NEUROG2: variants seen among roughly 807,000 people sequenced by gnomAD.
The protein encoded by NEUROG2 is neurogenin-2.
A neutral mutation model predicts 2.8 loss-of-function variants in NEUROG2; 1 was observed. The ratio of observed to expected loss-of-function variants is 0.36; its 90% CI spans 0.13 to 1.71. The LOEUF (loss-of-function observed/expected upper bound fraction) is 1.71. NEUROG2 is among the 40% of genes most tolerant of loss of function. The pLI, the probability that NEUROG2 is intolerant of heterozygous loss-of-function variation, is 0.34. For missense variants in NEUROG2, 397 were observed against 392.7 expected (o/e 1.01, Z -0.09); for synonymous variants, 211 against 187.7 (o/e 1.12, Z -1.01).
In NEUROG2 at chr4:112,515,117, C is replaced by T. The variant is rs1192420517; in HGVS notation, c.359G>A (p.Arg120His). 2 of 1,613,806 alleles carry T rather than the reference C, an allele frequency of 1.2e-6. No individual in the cohort carries two copies. The highest frequency in any genetic ancestry group is 1.7e-6 in the Non-Finnish European group (2 of 1,179,912). The change falls in exon 2 of 2, where the codon CGC (arginine) becomes CAC (histidine). Residue 120 changes from arginine to histidine, a missense_variant. Coordinates refer to ENST00000313341, the MANE Select transcript of NEUROG2 (RefSeq NM_024019.4). Reference sequence around the variant, plus strand: ...GAGGTTGTGCATGCGGTTTCGCTCGCGGTTGTTGGCCTTCAGTCTACGGGT... The same window carrying T: ...GAGGTTGTGCATGCGGTTTCGCTCGTGGTTGTTGGCCTTCAGTCTACGGGT... ...KKTRRLKANN[R>H]ERNRMHNLNA... is the part of the protein sequence containing the mutation.
chr4:112,515,248 G>C lies in NEUROG2; in HGVS notation c.228C>G (p.Pro76=). 1 of 1,582,950 alleles carries C rather than the reference G, an allele frequency of 6.3e-7. No individual in the cohort carries two copies. Among genetic ancestry groups the C allele is most frequent in the Non-Finnish European group, 8.5e-7 (1 of 1,171,922 alleles). The change falls in exon 2 of 2, where the codon CCC becomes CCG. Residue 76 remains proline, a synonymous_variant. Transcript: ENST00000313341. ...GVAAGAEGCR[P]ARLLGLVHDC... The stretch of plus-strand genomic sequence containing the variant: ...CGTGTACCAGACCCAGCAGCCGTGC[G>C]GGCCGGCAGCCCTCCGCACCCGCAG...
At position 112,515,322 on chromosome 4, in the gene NEUROG2, G is replaced by GAAT; in HGVS notation, c.153_154insATT (p.Ala51_Arg52insIle). The GAAT allele has an allele frequency of 1.4e-6, 2 of 1,419,536 alleles. No individual in the cohort carries two copies. Among genetic ancestry groups the GAAT allele is most frequent in the South Asian group, 1.6e-5 (1 of 60,664 alleles). The allele number at this position is 1,419,536 out of a possible 1,614,324, so 87.9% of individuals were successfully genotyped here. A position where few individuals can be genotyped will look rare whatever the true frequency, so the allele number is the denominator to read the frequency against. On this transcript the variant is annotated inframe_insertion, in exon 2 of 2. Transcript: ENST00000313341. Reference sequence around the variant, plus strand: ...CCGGCCTCAGCCCCGCGCTGCCGACGCGCCCCGCCTGACGCGCCCGGCTCC... The same window carrying GAAT: ...CCGGCCTCAGCCCCGCGCTGCCGACGAATCGCCCCGCCTGACGCGCCCGGCTCC...
At position 112,514,916 on chromosome 4, in the gene NEUROG2, G is replaced by A. The variant is rs760711184; in HGVS notation, c.560C>T (p.Ser187Phe). 24 of 1,606,470 alleles carry A rather than the reference G, an allele frequency of 1.5e-5. No individual in the cohort carries two copies. Among genetic ancestry groups the A allele is most frequent in the Non-Finnish European group, 2.0e-5 (24 of 1,177,692 alleles). The part of the protein sequence containing the change: ...GGGGLPGALF[S>F]EAVLLSPGGA... ...TCCCGGGCTCAGCAACACTGCCTCG[G>A]AGAAGAGCGCCCCCGGCAGGCCCCC... The change falls in exon 2 of 2, where the codon TCC (serine) becomes TTC (phenylalanine). Residue 187 changes from serine to phenylalanine, a missense_variant. Coordinates refer to ENST00000313341, the MANE Select transcript of NEUROG2 (RefSeq NM_024019.4).
Position 112,514,870 on chromosome 4 carries a change from G to C in NEUROG2, c.606C>G (p.Ser202Arg), listed in dbSNP as rs1241174154. ...CGGGCGAGGGGCTGTCTCCGCTGCTGCTCAGGGCGGCGCTGGCTCCTCCCG... is the reference window on the plus strand; with the variant it reads ...CGGGCGAGGGGCTGTCTCCGCTGCTCCTCAGGGCGGCGCTGGCTCCTCCCG... ...LSPGGASAAL[S>R]SSGDSPSPAS... Residue 202 changes from serine to arginine, a missense_variant, in exon 2 of 2, where the codon AGC (serine) becomes AGG (arginine). Coordinates refer to ENST00000313341, the MANE Select transcript of NEUROG2 (RefSeq NM_024019.4). The C allele has an allele frequency of 1.9e-6, 3 of 1,600,578 alleles. No homozygotes were observed. Among genetic ancestry groups the C allele is most frequent in the Admixed American group, 1.8e-5 (1 of 56,448 alleles).
In NEUROG2 at chr4:112,515,360, T is replaced by A. The variant is rs1736412364; in HGVS notation, c.116A>T (p.Glu39Val). The change falls in exon 2 of 2, where the codon GAA becomes GTA. Residue 39 changes from glutamate to valine, a missense_variant. Physicochemically the swap from Glu to Val is moderately radical, Grantham distance 121. Coordinates refer to ENST00000313341, the MANE Select transcript of NEUROG2 (RefSeq NM_024019.4). ...ALTPLSSSADEEEEEEPGASG... is the reference protein window; with the variant it reads ...ALTPLSSSADVEEEEEPGASG... ...CGCGCCCGGCTCCTCCTCCTCTTCT[T>A]CGTCGGCGCTGGATGACAGCGGGGT... The A allele has an allele frequency of 6.6e-7, 1 of 1,504,294 alleles. No individual in the cohort carries two copies. Among genetic ancestry groups the A allele is most frequent in the East Asian group, 2.7e-5 (1 of 36,900 alleles). The allele number at this position is 1,504,294 out of a possible 1,614,324, so 93.2% of individuals were successfully genotyped here.
rs781147211 is a variant in NEUROG2, at chr4:112,515,269, C to G, written c.207G>C (p.Ala69=). ...GTGCGGGCCGGCAGCCCTCCGCACCCGCAGCCACGCCGCCCCGCGCCCCCT... is the reference window on the plus strand; with the variant it reads ...GTGCGGGCCGGCAGCCCTCCGCACCGGCAGCCACGCCGCCCCGCGCCCCCT... ...AGQGARGGVA[A]GAEGCRPARL... Residue 69 remains alanine, a synonymous_variant, in exon 2 of 2, where the codon GCG becomes GCC. Transcript: ENST00000313341. The G allele has an allele frequency of 8.5e-6, 13 of 1,524,624 alleles. No homozygotes were observed. The African/African-American group carries it at 1.6e-4, about 18-fold the overall frequency. 94.4% of individuals were successfully genotyped at this position (1,524,624 alleles called of 1,614,324 possible).
chr4:112,515,560 C>T, intron 1 of NEUROG2, 84 bp from the exon 2 acceptor site: 6 of 1,211,486 alleles, frequency 5.0e-6, no homozygotes, highest in Non-Finnish European at 3.3e-6. Flanking sequence ...GGGGCGTGCT[C>T]CGGCGCGCAC....
chr4:112,514,708 G>T lies in NEUROG2; in HGVS notation c.768C>A (p.Pro256=), dbSNP rs975360313. 6.6e-7 allele frequency: 1 copy of T among 1,517,992 alleles called. No individual in the cohort carries two copies. Among genetic ancestry groups the T allele is most frequent in the South Asian group, 1.3e-5 (1 of 74,834 alleles). The allele number at this position is 1,517,992 out of a possible 1,614,324, so 94.0% of individuals were successfully genotyped here. Residue 256 remains proline, a synonymous_variant, in exon 2 of 2, where the codon CCC becomes CCA. Coordinates refer to ENST00000313341, the MANE Select transcript of NEUROG2 (RefSeq NM_024019.4). ...GGTGAGGTGCATAGCGGTGCTTGTC[G>T]GGAGGTGGGGGCTGCCAATAGTCCA... ...SDMDYWQPPP[P]DKHRYAPHLP...
intron 1 of NEUROG2, 104 bp from the exon 2 acceptor site, chr4:112,515,580 C>A (rs1736423242): frequency 3.0e-6 from 3 of 991,386 alleles, no homozygotes; most frequent in African/African-American, 1.7e-5. Context: ...CCCGAGAAGA[C>A]CAGCTCCGAA....
rs147645578 is a variant in NEUROG2, at chr4:112,515,390, G to A, written c.86C>T (p.Ala29Val). The A allele has an allele frequency of 3.3e-3, 5,036 of 1,525,672 alleles. 121 individuals carry two copies. The East Asian group carries it at 0.069, about 21-fold the overall frequency. The allele number at this position is 1,525,672 out of a possible 1,614,324, so 94.5% of individuals were successfully genotyped here. ...GGCGCTGGATGACAGCGGGGTCAGG[G>A]CCGCCAAGGCGGGGGAGGCCGATCC... ...LLGSASPALAALTPLSSSADE... is the reference protein window; with the variant it reads ...LLGSASPALAVLTPLSSSADE... Residue 29 changes from alanine (A) to valine (V), a missense_variant, in exon 2 of 2, where the codon GCC (alanine) becomes GTC (valine). By Grantham distance (64) the Ala-to-Val change is moderately conservative (BLOSUM62 0). Coordinates refer to ENST00000313341, the MANE Select transcript of NEUROG2 (RefSeq NM_024019.4).
rs1560712517 is a variant in NEUROG2, at chr4:112,515,483, AAGAG to A, written c.-1-11_-1-8del. The A allele has an allele frequency of 6.6e-7, 1 of 1,514,004 alleles. No individual in the cohort carries two copies. Among genetic ancestry groups the A allele is most frequent in the Non-Finnish European group, 8.7e-7 (1 of 1,145,130 alleles). 93.8% of individuals were successfully genotyped at this position (1,514,004 alleles called of 1,614,324 possible). On this transcript the variant is annotated splice_region_variant and splice_polypyrimidine_tract_variant and intron_variant, in intron 1 of 1. Coordinates refer to ENST00000313341, the MANE Select transcript of NEUROG2 (RefSeq NM_024019.4). ...CTCGGATTTGACGAACATCCTACCGAAGAGAGAAAGGGGAAAAAGGCAGTGAGGT... is the reference window on the plus strand; with the variant it reads ...CTCGGATTTGACGAACATCCTACCGAAGAAAGGGGAAAAAGGCAGTGAGGT...
At chr4:112,515,609 C>G in intron 1 of NEUROG2, 133 bp from the exon 2 acceptor site, 1 of 688,166 alleles carries the variant, frequency 1.5e-6, no homozygotes, top group Non-Finnish European at 2.1e-6. Flanking sequence ...AGCAGGAAGG[C>G]GAAGGAAGAA....
Position 112,514,948 on chromosome 4 carries a change from G to T in NEUROG2, c.528C>A (p.Gly176=), listed in dbSNP as rs755639473. 4.3e-6 allele frequency: 7 copies of T among 1,611,572 alleles called. No individual in the cohort carries two copies. The East Asian group carries it at 1.6e-4, about 36-fold the overall frequency. The change falls in exon 2 of 2, where the codon GGC becomes GGA. Residue 176 remains glycine (G), a synonymous_variant. Coordinates refer to ENST00000313341, the MANE Select transcript of NEUROG2 (RefSeq NM_024019.4). ...ETLRLADHCG[G]GGGGLPGALF... ...GCGCCCCCGGCAGGCCCCCGCCGCC[G>T]CCCCCGCAGTGATCCGCCAGGCGCA... is the stretch of plus-strand genomic sequence containing the variant.
rs148937367 is a variant in NEUROG2, at chr4:112,514,691, G to A, written c.785C>T (p.Ala262Val). The A allele has an allele frequency of 2.1e-4, 320 of 1,517,730 alleles. No individual in the cohort carries two copies. The African/African-American group carries it at 4.1e-3, about 20-fold the overall frequency. The allele number at this position is 1,517,730 out of a possible 1,614,324, so 94.0% of individuals were successfully genotyped here. A position where few individuals can be genotyped will look rare whatever the true frequency, so the allele number is the denominator to read the frequency against. ...QPPPPDKHRY[A>V]PHLPIARDCI Reference sequence around the variant, plus strand: ...ATCCCTGGCTATGGGGAGGTGAGGTGCATAGCGGTGCTTGTCGGGAGGTGG... The same window carrying A: ...ATCCCTGGCTATGGGGAGGTGAGGTACATAGCGGTGCTTGTCGGGAGGTGG... The change falls in exon 2 of 2, where the codon GCA (alanine) becomes GTA (valine). Residue 262 changes from alanine to valine, a missense_variant. Ala to Val is a moderately conservative substitution (Grantham distance 64). Transcript: ENST00000313341.
intron 1 of NEUROG2, 88 bp from the exon 2 acceptor site, chr4:112,515,564 C>G (rs1736421862): frequency 8.3e-7 from 1 of 1,201,988 alleles, no homozygotes; most frequent in Non-Finnish European, 1.1e-6. Flanking sequence ...CGTGCTCCGG[C>G]GCGCACCCGA....
chr4:112,514,778 G>T lies in NEUROG2; in HGVS notation c.698C>A (p.Pro233His), dbSNP rs142667627. The stretch of plus-strand genomic sequence containing the variant: ...GGCGGGCGATAAAGTGCAGCTGTAG[G>T]GGGAGGTGGAATTGGAGGACACGGA... ...SSSVSSNSTS[P>H]YSCTLSPASP... is the part of the protein sequence containing the mutation. Residue 233 changes from proline (P) to histidine (H), a missense_variant, in exon 2 of 2, where the codon CCC (proline) becomes CAC (histidine). Pro to His is a moderately conservative substitution (Grantham distance 77). Coordinates refer to ENST00000313341, the MANE Select transcript of NEUROG2 (RefSeq NM_024019.4). 5.2e-6 allele frequency: 8 copies of T among 1,549,336 alleles called. No individual in the cohort carries two copies. The highest frequency in any genetic ancestry group is 1.3e-5 in the South Asian group (1 of 79,172).
At position 112,515,161 on chromosome 4, in the gene NEUROG2, C is replaced by G. The variant is rs367908060; in HGVS notation, c.315G>C (p.Thr105=). ...TACGGGTCTTCTTGATGCGCTGCAC[C>G]GTCTCGGCCGTCTTGGCGCCTCGGG... ...AVSRGAKTAE[T]VQRIKKTRRL... The change falls in exon 2 of 2, where the codon ACG becomes ACC. Residue 105 remains threonine (T), a synonymous_variant. Transcript: ENST00000313341. 3 of 1,613,254 alleles carry G rather than the reference C, an allele frequency of 1.9e-6. No individual in the cohort carries two copies. Among genetic ancestry groups the G allele is most frequent in the Admixed American group, 3.3e-5 (2 of 60,010 alleles).
In NEUROG2 at chr4:112,514,576, G is replaced by A; in HGVS notation, c.*81C>T. ...GGTTTCCAGGGCGTGGAAAGGAGGG[G>A]CAGGGGAAGGGAGGAGGGCTCGACT... On this transcript the variant is annotated 3_prime_UTR_variant, in exon 2 of 2. Coordinates refer to ENST00000313341, the MANE Select transcript of NEUROG2 (RefSeq NM_024019.4). The A allele has an allele frequency of 8.6e-7, 1 of 1,157,360 alleles. No homozygotes were observed. The highest frequency in any genetic ancestry group is 1.2e-6 in the Non-Finnish European group (1 of 845,302). The allele number at this position is 1,157,360 out of a possible 1,614,324, so 71.7% of individuals were successfully genotyped here. A position where few individuals can be genotyped will look rare whatever the true frequency, so the allele number is the denominator to read the frequency against.
At position 112,515,138 on chromosome 4, in the gene NEUROG2, C is replaced by CG; in HGVS notation, c.337dup (p.Arg113ProfsTer2). On this transcript the variant is annotated frameshift_variant, in exon 2 of 2. Coordinates refer to ENST00000313341, the MANE Select transcript of NEUROG2 (RefSeq NM_024019.4). LOFTEE classifies it high-confidence loss of function. ...CTCGCGGTTGTTGGCCTTCAGTCTA[C>CG]GGGTCTTCTTGATGCGCTGCACCGT... 1.2e-6 allele frequency: 2 copies of CG among 1,613,820 alleles called. No individual in the cohort carries two copies. Among genetic ancestry groups the CG allele is most frequent in the Non-Finnish European group, 1.7e-6 (2 of 1,179,898 alleles).
Sources: allele counts gnomAD v4.1 joint callset, GRCh38; gene constraint gnomAD v4.1.1; transcripts MANE v1.5; gene names NCBI Gene and HGNC (gene_info 2026-07-23, HGNC 2026-07-21).